The following PFKL variants were observed in gnomAD, a reference collection of about 807,000 sequenced individuals.
The protein encoded by PFKL is ATP-dependent 6-phosphofructokinase, liver type.
In PFKL, 74 loss-of-function variants were observed where a neutral mutation model predicts 92.1. The ratio of observed to expected loss-of-function variants is 0.80; its 90% CI spans 0.67 to 0.97. The LOEUF is 0.97. PFKL is among the 50% of genes least tolerant of loss of function. The probability of loss-of-function intolerance (pLI) is 0.00; values close to 1 mark genes in which losing one functional copy is unlikely to be tolerated. For missense variants in PFKL, 1,028 were observed against 1,116.6 expected (o/e 0.92, Z 1.13); for synonymous variants, 494 against 456.4 (o/e 1.08, Z -1.05).
At chr21:44,326,674 C>T (rs768037752) in intron 21 of PFKL, 41 bp from the exon 22 acceptor site, 22 of 1,599,110 alleles carry the variant, frequency 1.4e-5, no homozygotes, top group Admixed American at 1.2e-4. Context: ...GCTGCCCTGA[C>T]CCCTGACTCC....
chr21:44,311,975 G>T, intron 3 of PFKL, 130 bp from the exon 4 acceptor site: 1 of 670,848 alleles, frequency 1.5e-6, no homozygotes, highest in Non-Finnish European at 2.3e-6. Context: ...CAGAGACCCC[G>T]GGGCTTCTGC....
intron 7 of PFKL, chr21:44,314,350 G>A (rs891161745): frequency 3.2e-6 from 1 of 314,002 alleles, no homozygotes; most frequent in African/African-American, 2.2e-5. Context: ...GGTGGGAGGT[G>A]GTTGGTTGTG....
intron 5 of PFKL, among the ~76,000 whole-genome samples, chr21:44,313,344 C>T (rs189780165): frequency 2.0e-5 from 3 of 152,332 alleles, no homozygotes; most frequent in Non-Finnish European, 2.9e-5. Context: ...GGCCTTTGTG[C>T]AGCCCCTTCT....
At chr21:44,304,523 G>A in intron 1 of PFKL, 11 of 1,140,686 alleles carry the variant, frequency 9.6e-6, no homozygotes, top group Non-Finnish European at 1.2e-5. Context: ...GCTTAGCTTC[G>A]GCCAGCTGTG....
Position 44,323,766 on chromosome 21 carries a change from G to A in PFKL, c.1498G>A (p.Ala500Thr), listed in dbSNP as rs770178690. Residue 500 changes from alanine to threonine, a missense_variant and splice_region_variant, in exon 16 of 22, where the codon GCC (alanine) becomes ACC (threonine). Ala to Thr is a moderately conservative substitution (Grantham distance 58). Transcript: ENST00000349048. Reference sequence around the variant, plus strand: ...ACCTGCCCCGTCCCTACTGCTGCAGGCCTATGAAGGGGTGCTGCAGCTGGT... The same window carrying A: ...ACCTGCCCCGTCCCTACTGCTGCAGACCTATGAAGGGGTGCTGCAGCTGGT... ...HALLVVGGFE[A>T]YEGVLQLVEA... 3 of 1,611,460 alleles carry A rather than the reference G, an allele frequency of 1.9e-6. No individual in the cohort carries two copies. Among genetic ancestry groups the A allele is most frequent in the Non-Finnish European group, 2.5e-6 (3 of 1,179,282 alleles).
chr21:44,314,158 C>T lies in PFKL; in HGVS notation c.747+137C>T, dbSNP rs865994846. The T allele has an allele frequency of 8.0e-5, 53 of 661,996 alleles. 2 individuals carry two copies. In the South Asian group the frequency reaches 8.2e-4, roughly 10 times the overall value. The allele number at this position is 661,996 out of a possible 1,614,324, so 41.0% of individuals were successfully genotyped here. Reference sequence around the variant, plus strand: ...AGCAGCTGCAGGTGCCCCTTGGGGGCGGGACACGCAAGGAGTGGGGGGCTA... The same window carrying T: ...AGCAGCTGCAGGTGCCCCTTGGGGGTGGGACACGCAAGGAGTGGGGGGCTA... On this transcript the variant is annotated intron_variant, in intron 7 of 21. Transcript: ENST00000349048.
intron 16 of PFKL, 161 bp from the exon 17 acceptor site, chr21:44,324,330 C>T (rs2047438174): frequency 1.4e-6 from 1 of 696,096 alleles, no homozygotes; most frequent in Non-Finnish European, 2.4e-6. Flanking sequence ...CCTGTGGGGC[C>T]CAGGTGGGAG....
intron 4 of PFKL, 127 bp from the exon 5 acceptor site, chr21:44,312,851 G>T (rs2047086268): frequency 2.1e-6 from 2 of 942,964 alleles, no homozygotes; most frequent in Non-Finnish European, 3.2e-6. Flanking sequence ...GCTGAGCCTG[G>T]AACTCCGGGG....
intron 21 of PFKL, 87 bp from the exon 22 acceptor site, chr21:44,326,628 C>T (rs1431229145): frequency 1.4e-5 from 14 of 1,030,608 alleles, no homozygotes; most frequent in African/African-American, 6.5e-5. Flanking sequence ...GCTGCAGGGT[C>T]GGGGGGGGTG....
intron 19 of PFKL, 110 bp downstream of exon 19, chr21:44,325,374 G>T (rs919182105): frequency 7.0e-6 from 5 of 718,456 alleles, no homozygotes; most frequent in East Asian, 2.7e-5. Flanking sequence ...ACTCCCGGCA[G>T]GCCCTCGGGC....
At chr21:44,318,750 G>C (rs2145993707) in intron 10 of PFKL, among the ~76,000 whole-genome samples, 155 bp downstream of exon 10, 1 of 152,284 alleles carries the variant, frequency 6.6e-6, no homozygotes, top group Non-Finnish European at 1.5e-5. Flanking sequence ...AGGGAGGGGA[G>C]GGATGTGAGC....
Position 44,326,976 on chromosome 21 carries a change from C to T in PFKL, c.*114C>T. On this transcript the variant is annotated 3_prime_UTR_variant, in exon 22 of 22. Transcript: ENST00000349048. ...GCCTGCAGGCAGGTGGGGGCTGCGT[C>T]CCTGCTCAGCCCATCCCCTGCCTCT... 1 of 935,912 alleles carries T rather than the reference C, an allele frequency of 1.1e-6. No homozygotes were observed. Among genetic ancestry groups the T allele is most frequent in the Non-Finnish European group, 1.6e-6 (1 of 614,180 alleles). 58.0% of individuals were successfully genotyped at this position (935,912 alleles called of 1,614,324 possible).
At chr21:44,311,972 C>A in intron 3 of PFKL, 133 bp from the exon 4 acceptor site, 1 of 656,030 alleles carries the variant, frequency 1.5e-6, no homozygotes, top group Non-Finnish European at 2.4e-6. Context: ...TTCCAGAGAC[C>A]CCGGGGCTTC....
chr21:44,323,559 C>T (rs1220703608), intron 15 of PFKL, among the ~76,000 whole-genome samples: 3 of 152,146 alleles, frequency 2.0e-5, no homozygotes, highest in Admixed American at 6.5e-5. Context: ...TCCTTAGAGT[C>T]CAGTTTCCCT....
At chr21:44,311,637 G>A (rs1345011770) in intron 3 of PFKL, among the ~76,000 whole-genome samples, 1 of 152,204 alleles carries the variant, frequency 6.6e-6, no homozygotes, top group African/African-American at 2.4e-5. Context: ...CCAGGGGCCA[G>A]GAGGACCTGG....
intron 3 of PFKL, among the ~76,000 whole-genome samples, chr21:44,311,478 A>T (rs1222809444): frequency 6.6e-6 from 1 of 152,228 alleles, no homozygotes; most frequent in East Asian, 1.9e-4. Context: ...AGACACACAG[A>T]TGCGCACACA....
chr21:44,319,413 T>C lies in PFKL; in HGVS notation c.1125T>C (p.Gly375=), dbSNP rs1441740273. 3.1e-6 allele frequency: 5 copies of C among 1,613,058 alleles called. No homozygotes were observed. Among genetic ancestry groups the C allele is most frequent in the Non-Finnish European group, 4.2e-6 (5 of 1,179,440 alleles). The part of the protein sequence containing the change: ...KRFDEATQLR[G]GSFENNWNIY... ...TTGACGAGGCCACCCAGCTCCGTGG[T>C]GGGTAAGCCCCCTCAGCAGACCCCT... The change falls in exon 11 of 22, where the codon GGT becomes GGC. Residue 375 remains glycine, a splice_region_variant and synonymous_variant. Coordinates refer to ENST00000349048, the MANE Select transcript of PFKL (RefSeq NM_002626.6).
chr21:44,310,971 C>G lies in PFKL; in HGVS notation c.160-35C>G, dbSNP rs113934313. On this transcript the variant is annotated intron_variant, in intron 2 of 21. Coordinates refer to ENST00000349048, the MANE Select transcript of PFKL (RefSeq NM_002626.6). ...CACTTGCTGCCGGCCGCCATGGGGTCCCCTATCTCATGCCTGCCCCACTCT... is the reference window on the plus strand; with the variant it reads ...CACTTGCTGCCGGCCGCCATGGGGTGCCCTATCTCATGCCTGCCCCACTCT... 7,392 of 1,553,422 alleles carry G rather than the reference C, an allele frequency of 4.8e-3. 31 individuals are homozygous for G. Among genetic ancestry groups the G allele is most frequent in the Middle Eastern group, 6.1e-3 (36 of 5,942 alleles).
At chr21:44,322,837 G>T in intron 14 of PFKL, 125 bp from the exon 15 acceptor site, 1 of 608,800 alleles carries the variant, frequency 1.6e-6, no homozygotes, top group Non-Finnish European at 2.9e-6. Context: ...GCCACATCCC[G>T]GGCATTGCAG....
Sources: gnomAD v4.1 joint callset for allele counts (sites outside exome capture counted in the v4.1 genomes callset) on GRCh38, gnomAD v4.1.1 for gene constraint, MANE v1.5 for transcripts, NCBI Gene and HGNC (gene_info 2026-07-23, HGNC 2026-07-21) for gene names.